Variants in RNF213 observed in about 807,000 individuals in gnomAD.
The protein encoded by RNF213 is ring finger protein 213.
A neutral mutation model predicts 514.4 loss-of-function variants in RNF213; 341 were observed. The ratio of observed to expected loss-of-function variants is 0.66; its 90% CI spans 0.61 to 0.73. RNF213 has a LOEUF of 0.73. Ranked by LOEUF, RNF213 falls within the 30% of genes least tolerant of loss-of-function variation. RNF213 has a pLI of 0.00. For synonymous variants in RNF213, 2,655 were observed against 2,658.2 expected (o/e 1.00, Z 0.04); for missense variants, 5,767 against 6,615.6 (o/e 0.87, Z 4.45).
At position 80,357,400 on chromosome 17, in the gene RNF213, C is replaced by T. The variant is rs181143516; in HGVS notation, c.10863-888C>T. On this transcript the variant is annotated intron_variant, in intron 36 of 67. Transcript: ENST00000582970. ...CTGTCCATCCACCCATCTGTCCGTC[C>T]GCCCATCTATCCATCCACCTGTCTA... Among the ~76,000 whole-genome samples the T allele has an allele frequency of 9.9e-5, 15 of 152,218 alleles. 2 individuals carry two copies. Among genetic ancestry groups the T allele is most frequent in the Admixed American group, 4.6e-4 (7 of 15,290 alleles).
chr17:80,346,109 C>T lies in RNF213; in HGVS notation c.7774C>T (p.Leu2592Phe), dbSNP rs565027940. ...ACAACTGAGTGACGTTGCTGAAAAG[C>T]TCTACATCCAGCAGATTGTCCAGAG... is the stretch of plus-strand genomic sequence containing the variant. ...FGQLSDVAEK[L>F]YIQQIVQRLV... The change falls in exon 29 of 68, where the codon CTC becomes TTC. Residue 2592 changes from leucine to phenylalanine, a missense_variant. By Grantham distance (22) the Leu-to-Phe change is conservative (BLOSUM62 0). This residue lies in a region of RNF213 where 1,377 missense variants were observed against 1,635.2 expected (regional missense o/e 0.84). Transcript: ENST00000582970. This position sits in a 1 kb window ranked among gnomAD's most constrained non-coding sequence, Gnocchi z 8.1. 5.6e-5 allele frequency: 91 copies of T among 1,614,174 alleles called. No individual in the cohort carries two copies. The South Asian group carries it at 9.2e-4, about 16-fold the overall frequency.
chr17:80,386,373 T>G lies in RNF213; in HGVS notation c.14663T>G (p.Ile4888Ser). 6.2e-7 allele frequency: 1 copy of G among 1,614,186 alleles called. No homozygotes were observed. Among genetic ancestry groups the G allele is most frequent in the South Asian group, 1.1e-5 (1 of 91,084 alleles). ...LCATALVSYL[I>S]RLHNEIVYAV... Reference sequence around the variant, plus strand: ...GCTACCGCTCTCGTCAGCTACTTGATTCGCCTACACAATGAAATTGTCTAC... The same window carrying G: ...GCTACCGCTCTCGTCAGCTACTTGAGTCGCCTACACAATGAAATTGTCTAC... Residue 4888 changes from isoleucine (I) to serine (S), a missense_variant, in exon 62 of 68, where the codon ATT (isoleucine) becomes AGT (serine). Transcript: ENST00000582970.
At chr17:80,364,643 C>A in intron 42 of RNF213, 90 bp downstream of exon 42, 1 of 1,540,036 alleles carries the variant, frequency 6.5e-7, no homozygotes, top group Non-Finnish European at 8.9e-7. Flanking sequence ...GGCTGGGAGA[C>A]GCTCTTTTGG....
chr17:80,278,552 C>T (rs886721728), intron 3 of RNF213, among the ~76,000 whole-genome samples: 5 of 152,174 alleles, frequency 3.3e-5, no homozygotes, highest in Non-Finnish European at 7.4e-5. Flanking sequence ...TGCACGTCTG[C>T]AGGAGCTGCT....
At chr17:80,286,956 G>A (rs948132737) in intron 3 of RNF213, among the ~76,000 whole-genome samples, 4 of 152,158 alleles carry the variant, frequency 2.6e-5, no homozygotes, top group East Asian at 1.9e-4. Flanking sequence ...CTGAGGGTGC[G>A]GTGGGAGCTG....
In RNF213 at chr17:80,332,540, A is replaced by C; in HGVS notation, c.4052A>C (p.Gln1351Pro). The C allele has an allele frequency of 6.5e-7, 1 of 1,536,582 alleles. No homozygotes were observed. The highest frequency in any genetic ancestry group is 8.7e-7 in the Non-Finnish European group (1 of 1,146,310). The change falls in exon 21 of 68, where the codon CAG (glutamine) becomes CCG (proline). Residue 1351 changes from glutamine to proline, a missense_variant. This residue lies in a region of RNF213 where 516 missense variants were observed against 566.5 expected (regional missense o/e 0.91). Transcript: ENST00000582970. Reference sequence around the variant, plus strand: ...ATCAAGGAATACCATCACCTGCACCAGGCTGTCCACGCAGCCAAGGTCATC... The same window carrying C: ...ATCAAGGAATACCATCACCTGCACCCGGCTGTCCACGCAGCCAAGGTCATC... ...EQIKEYHHLH[Q>P]AVHAAKVILQ...
Position 80,329,875 on chromosome 17 carries a change from T to C in RNF213, c.3517+1398T>C, listed in dbSNP as rs8067125. On this transcript the variant is annotated intron_variant, in intron 20 of 67. Transcript: ENST00000582970. ...GTCCCCTCTATTGGGTATTAATAGG[T>C]AGGTCTTTCAACTCTAGACATCAAA... 9.9e-3 allele frequency among the ~76,000 whole-genome samples: 1,507 copies of C among 152,190 alleles called. 29 individuals carry two copies. The highest frequency in any genetic ancestry group is 0.034 in the African/African-American group (1,397 of 41,516).
chr17:80,298,129 A>G (rs1327531064), intron 10 of RNF213, among the ~76,000 whole-genome samples, 192 bp from the exon 11 acceptor site: 1 of 152,132 alleles, frequency 6.6e-6, no homozygotes, highest in Non-Finnish European at 1.5e-5. Flanking sequence ...GAGGGCCTGC[A>G]AAGGAGCTGA....
intron 11 of RNF213, among the ~76,000 whole-genome samples, chr17:80,300,077 C>T (rs7503942): frequency 0.48 from 72,478 of 151,928 alleles, 19,612 homozygotes; most frequent in African/African-American, 0.76. Context: ...TGGTATATAC[C>T]CAGTAATGGG....
intron 3 of RNF213, among the ~76,000 whole-genome samples, chr17:80,281,318 C>T (rs568065499): frequency 1.1e-5 from 1 of 94,392 alleles, no homozygotes; most frequent in East Asian, 4.1e-4. Flanking sequence ...ATACCCCACT[C>T]ACACCACTCA....
chr17:80,350,187 C>T (rs2078456018), intron 30 of RNF213, 114 bp from the exon 31 acceptor site: 2 of 802,376 alleles, frequency 2.5e-6, no homozygotes, highest in Non-Finnish European at 4.2e-6. Flanking sequence ...GAAGAAAATC[C>T]TACCTGAGTA....
intron 3 of RNF213, among the ~76,000 whole-genome samples, chr17:80,283,877 T>C (rs1265124143): frequency 6.6e-6 from 1 of 152,174 alleles, no homozygotes; most frequent in African/African-American, 2.4e-5. Flanking sequence ...TTTTCAACTT[T>C]CATAATTAGG....
At position 80,322,106 on chromosome 17, in the gene RNF213, T is replaced by A. The variant is rs967101557; in HGVS notation, c.3024+2794T>A. Among the ~76,000 whole-genome samples, 38 of 151,960 alleles carry A rather than the reference T, an allele frequency of 2.5e-4. 1 individual carries two copies. The highest frequency in any genetic ancestry group is 3.9e-4 in the Admixed American group (6 of 15,254). The stretch of plus-strand genomic sequence containing the variant: ...TATGCTTATTGGATTTGTCTGTATC[T>A]TCTTTGGAGAAATGTTTATTGAGAT... On this transcript the variant is annotated intron_variant, in intron 17 of 67. Transcript: ENST00000582970.
At chr17:80,352,065 A>C (rs540382915) in intron 32 of RNF213, 14 of 335,924 alleles carry the variant, frequency 4.2e-5, no homozygotes, top group Non-Finnish European at 7.3e-5. Flanking sequence ...ACGTTGGCCT[A>C]GATGGTCTCA....
At position 80,344,880 on chromosome 17, in the gene RNF213, C is replaced by T. The variant is rs111685972; in HGVS notation, c.6545C>T (p.Thr2182Met). ...RRFNQNQDLD[T>M]FQYQEGSVEG... Reference sequence around the variant, plus strand: ...TTCAATCAAAACCAAGACCTAGACACGTTTCAGTATCAAGAAGGCTCTGTC... The same window carrying T: ...TTCAATCAAAACCAAGACCTAGACATGTTTCAGTATCAAGAAGGCTCTGTC... Residue 2182 changes from threonine (T) to methionine (M), a missense_variant, in exon 29 of 68, where the codon ACG becomes ATG. By Grantham distance (81) the Thr-to-Met change is moderately conservative. This residue lies in a region of RNF213 where 1,377 missense variants were observed against 1,635.2 expected (regional missense o/e 0.84). Coordinates refer to ENST00000582970, the MANE Select transcript of RNF213 (RefSeq NM_001256071.3). 1.2e-4 allele frequency: 191 copies of T among 1,614,178 alleles called. No homozygotes were observed. In the African/African-American group the frequency reaches 1.7e-3, roughly 14 times the overall value.
At position 80,291,686 on chromosome 17, in the gene RNF213, C is replaced by G. The variant is rs772338144; in HGVS notation, c.1330C>G (p.Leu444Val). The change falls in exon 8 of 68, where the codon CTA (leucine) becomes GTA (valine). Residue 444 changes from leucine (L) to valine (V), a missense_variant. Leu to Val is a conservative substitution (Grantham distance 32). This residue lies in a region of RNF213 where 592 missense variants were observed against 673.9 expected (regional missense o/e 0.88). Transcript: ENST00000582970. ...CATTGTCTGCATTTCCAAGAAGCAC[C>G]TAGATAAATACATTCCTTACAAGTA... Reference protein sequence around the residue: ...EGIVCISKKHLDKYIPYKYVI... With the variant: ...EGIVCISKKHVDKYIPYKYVI... The G allele has an allele frequency of 6.2e-7, 1 of 1,614,192 alleles. No homozygotes were observed. The highest frequency in any genetic ancestry group is 2.2e-5 in the East Asian group (1 of 44,880).
At chr17:80,348,899 G>A (rs2078405222) in intron 29 of RNF213, among the ~76,000 whole-genome samples, 2 of 152,194 alleles carry the variant, frequency 1.3e-5, no homozygotes, top group African/African-American at 4.8e-5. Context: ...TGACTCTGCA[G>A]AGCCACATCT....
intron 14 of RNF213, among the ~76,000 whole-genome samples, chr17:80,310,602 T>C (rs1037435470): frequency 6.7e-6 from 1 of 148,288 alleles, no homozygotes; most frequent in African/African-American, 2.5e-5. Context: ...GCCCAGGCTG[T>C]AGTGCAATGG....
intron 2 of RNF213, among the ~76,000 whole-genome samples, chr17:80,267,078 G>A (rs2043632488): frequency 6.6e-6 from 1 of 152,084 alleles, no homozygotes; most frequent in Admixed American, 6.5e-5. Flanking sequence ...TTAGCTGGGT[G>A]TGGTGGCTCA....
Sources: allele counts gnomAD v4.1 joint callset (sites outside exome capture counted in the v4.1 genomes callset), GRCh38; gene constraint gnomAD v4.1.1; regional missense constraint gnomAD v4.1.1; non-coding constraint Gnocchi (gnomAD v3.1); transcripts MANE v1.5; gene names NCBI Gene and HGNC (gene_info 2026-07-23, HGNC 2026-07-21).